PDZD2: variants seen among roughly 807,000 people sequenced by gnomAD.
PDZD2 encodes PDZ domain containing 2.
Under a neutral mutation model 220.7 loss-of-function variants are expected in PDZD2, and 90 were observed. That is an observed-to-expected ratio of 0.41 (90% CI 0.34 to 0.49). PDZD2 has a LOEUF of 0.49. PDZD2 is among the 20% of genes least tolerant of loss of function. PDZD2 has a pLI of 0.28. For missense variants in PDZD2, 3,174 were observed against 3,608.5 expected (o/e 0.88, Z 3.08); for synonymous variants, 1,375 against 1,450.5 (o/e 0.95, Z 1.18).
chr5:31,660,496 A>G (rs1745718763), intron 1 of PDZD2, among the ~76,000 whole-genome samples: 1 of 152,180 alleles, frequency 6.6e-6, no homozygotes, highest in Admixed American at 6.5e-5. Flanking sequence ...ATTTACAATC[A>G]AGGCAGAAGG....
At chr5:31,991,322 G>A (rs1047713015) in intron 3 of PDZD2, among the ~76,000 whole-genome samples, 2 of 152,166 alleles carry the variant, frequency 1.3e-5, no homozygotes, top group Non-Finnish European at 2.9e-5. Context: ...TCACTTTGAC[G>A]GGGGAGGTTA....
chr5:31,874,337 C>T (rs1253634143), intron 2 of PDZD2, among the ~76,000 whole-genome samples: 1 of 152,108 alleles, frequency 6.6e-6, no homozygotes, highest in Admixed American at 6.6e-5. Flanking sequence ...GATCAGTAAC[C>T]ATTTATTTGT....
Position 31,799,190 on chromosome 5 carries a change from T to C in PDZD2, c.-59T>C. 1 of 1,189,284 alleles carries C rather than the reference T, an allele frequency of 8.4e-7. No homozygotes were observed. Among genetic ancestry groups the C allele is most frequent in the Non-Finnish European group, 1.2e-6 (1 of 833,724 alleles). The allele number at this position is 1,189,284 out of a possible 1,614,324, so 73.7% of individuals were successfully genotyped here. On this transcript the variant is annotated 5_prime_UTR_variant, in exon 2 of 25. Coordinates refer to ENST00000438447, the MANE Select transcript of PDZD2 (RefSeq NM_178140.4). ...GGACCCCAGGGGACGTGGGGCCCTG[T>C]GGGGTCTGGCCCCCAGGAGCAAGAC... is the stretch of plus-strand genomic sequence containing the variant.
chr5:31,932,205 C>T lies in PDZD2; in HGVS notation c.477-50950C>T, dbSNP rs139859210. Among the ~76,000 whole-genome samples the T allele has an allele frequency of 5.5e-3, 839 of 152,270 alleles. 11 individuals are homozygous for T. Among genetic ancestry groups the T allele is most frequent in the African/African-American group, 0.02 (812 of 41,546 alleles). ...ATTTTATGGTCTTTTCATTTTGTGA[C>T]ATCAAGCATATGAAGCATGATAGCC... On this transcript the variant is annotated intron_variant, in intron 2 of 24. Coordinates refer to ENST00000438447, the MANE Select transcript of PDZD2 (RefSeq NM_178140.4).
At chr5:31,936,122 GGAGA>G (rs1281755275) in intron 2 of PDZD2, 1 of 987,578 alleles carries the variant, frequency 1.0e-6, no homozygotes, top group South Asian at 4.7e-5. Context: ...GAAGCCGGGA[GGAGA>G]GAGAGAGAAT....
rs116492802 is a variant in PDZD2, at chr5:32,019,755, T to G, written c.1407+9273T>G. 4.6e-3 allele frequency among the ~76,000 whole-genome samples: 694 copies of G among 152,310 alleles called. 4 individuals carry two copies. The highest frequency in any genetic ancestry group is 0.016 in the African/African-American group (664 of 41,576). ...TTTGAAAAATTCTTTCAGATTTCAA[T>G]GAAAATAAAATATGAATCATTGGAG... is the stretch of plus-strand genomic sequence containing the variant. On this transcript the variant is annotated intron_variant, in intron 6 of 24. Coordinates refer to ENST00000438447, the MANE Select transcript of PDZD2 (RefSeq NM_178140.4).
At chr5:31,965,345 C>T (rs1748636492) in intron 2 of PDZD2, among the ~76,000 whole-genome samples, 1 of 152,176 alleles carries the variant, frequency 6.6e-6, no homozygotes, top group Non-Finnish European at 1.5e-5. Context: ...TTTGACCAGA[C>T]ATGTCATTCA....
chr5:32,073,651 A>G (rs1236937545), intron 17 of PDZD2, among the ~76,000 whole-genome samples, 181 bp from the exon 18 acceptor site: 1 of 151,984 alleles, frequency 6.6e-6, no homozygotes, highest in Non-Finnish European at 1.5e-5. Flanking sequence ...TAGCCCGCCT[A>G]TCTACTCCAT....
At chr5:31,726,426 G>A (rs1749143297) in intron 1 of PDZD2, among the ~76,000 whole-genome samples, 1 of 152,208 alleles carries the variant, frequency 6.6e-6, no homozygotes, top group African/African-American at 2.4e-5. Flanking sequence ...CTACTCAGGA[G>A]GCTGAGGCAG....
rs765059618 is a variant in PDZD2 at position 32,098,389 on chromosome 5, C to T, written c.7973C>T (p.Ala2658Val). 77 of 1,613,942 alleles carry T rather than the reference C, an allele frequency of 4.8e-5. No individual in the cohort carries two copies. The South Asian group carries it at 7.8e-4, about 16-fold the overall frequency. The part of the protein sequence containing the change: ...ITVHRVFSQG[A>V]ASQEGTMNRG... ...GTCCACAGGGTGTTTTCTCAGGGGGCGGCTTCTCAGGAAGGGACTATGAAC... is the reference window on the plus strand; with the variant it reads ...GTCCACAGGGTGTTTTCTCAGGGGGTGGCTTCTCAGGAAGGGACTATGAAC... The change falls in exon 23 of 25, where the codon GCG becomes GTG. Residue 2658 changes from alanine (A) to valine (V), a missense_variant. Transcript: ENST00000438447. This position sits in a 1 kb window ranked among gnomAD's most constrained non-coding sequence, Gnocchi z 4.1.
intron 2 of PDZD2, among the ~76,000 whole-genome samples, chr5:31,938,173 A>G (rs181667267): frequency 3.6e-4 from 55 of 152,242 alleles, no homozygotes; most frequent in South Asian, 1.5e-3. Flanking sequence ...CGGCCTCCCA[A>G]AGTGCTAGGA....
chr5:31,862,566 T>TC (rs1737819535), intron 2 of PDZD2, among the ~76,000 whole-genome samples: 1 of 138,252 alleles, frequency 7.2e-6, no homozygotes, highest in African/African-American at 2.5e-5. Context: ...TTCTTTTCTT[T>TC]TTTTTTTTTT....
intron 2 of PDZD2, among the ~76,000 whole-genome samples, chr5:31,917,515 G>C (rs1743796060): frequency 1.3e-5 from 2 of 152,140 alleles, no homozygotes; most frequent in African/African-American, 2.4e-5. Context: ...GTGACAGAGT[G>C]AGACCCTTTC....
rs6880483 is a variant in PDZD2 at position 31,714,229 on chromosome 5, G to A, written c.-361+74792G>A. On this transcript the variant is annotated intron_variant, in intron 1 of 24. Coordinates refer to ENST00000438447, the MANE Select transcript of PDZD2 (RefSeq NM_178140.4). ...CCTGGATTGGACATAAGGGTGGCCA[G>A]CTAGGGCTGAAGCAGAACTGTGGGT... is the stretch of plus-strand genomic sequence containing the variant. 3.3e-3 allele frequency among the ~76,000 whole-genome samples: 508 copies of A among 152,368 alleles called. 1 individual carries two copies. Among genetic ancestry groups the A allele is most frequent in the African/African-American group, 0.012 (487 of 41,588 alleles).
At chr5:31,929,246 C>T (rs560389205) in intron 2 of PDZD2, among the ~76,000 whole-genome samples, 130 of 152,270 alleles carry the variant, frequency 8.5e-4, no homozygotes, top group African/African-American at 3.0e-3. Context: ...TTTTCTGCCC[C>T]CTGTCAGCAT....
rs1379098407 is a variant in PDZD2 at position 32,110,143 on chromosome 5, C to G, written c.*2008C>G. 2.0e-5 allele frequency: 3 copies of G among 152,586 alleles called. No homozygotes were observed. Among genetic ancestry groups the G allele is most frequent in the African/African-American group, 7.2e-5 (3 of 41,424 alleles). The allele number at this position is 152,586 out of a possible 1,614,324, so 9.5% of individuals were successfully genotyped here. ...TTCAAGTCAACAACACTGAAAACTG[C>G]TTTTCGCCTCCACTCTTACAGCTGT... is the stretch of plus-strand genomic sequence containing the variant. On this transcript the variant is annotated 3_prime_UTR_variant, in exon 25 of 25. Coordinates refer to ENST00000438447, the MANE Select transcript of PDZD2 (RefSeq NM_178140.4).
intron 1 of PDZD2, among the ~76,000 whole-genome samples, chr5:31,744,692 A>T (rs545609721): frequency 2.0e-5 from 3 of 152,316 alleles, no homozygotes; most frequent in Non-Finnish European, 4.4e-5. Context: ...GAGTCCAAGG[A>T]TATAGTCAAA....
At chr5:31,916,397 G>A (rs1017073255) in intron 2 of PDZD2, among the ~76,000 whole-genome samples, 3 of 152,178 alleles carry the variant, frequency 2.0e-5, no homozygotes, top group South Asian at 2.1e-4. Context: ...AGGTGTAGAG[G>A]CCTGGTTCTA....
At chr5:31,691,262 C>T (rs1747109111) in intron 1 of PDZD2, among the ~76,000 whole-genome samples, 1 of 150,346 alleles carries the variant, frequency 6.7e-6, no homozygotes, top group South Asian at 2.1e-4. Flanking sequence ...GTTCGTTCCT[C>T]CCGGTGGGCT....
Sources: gnomAD v4.1 joint callset for allele counts (sites outside exome capture counted in the v4.1 genomes callset) on GRCh38, gnomAD v4.1.1 for gene constraint, Gnocchi (gnomAD v3.1) non-coding constraint, MANE v1.5 for transcripts, NCBI Gene and HGNC (gene_info 2026-07-23, HGNC 2026-07-21) for gene names.